C16orf89: variants seen among roughly 807,000 people sequenced by gnomAD.
C16orf89 encodes UPF0764 protein C16orf89.
In C16orf89, 57 loss-of-function variants were observed where a neutral mutation model predicts 41.5. The observed-to-expected ratio is 1.38, with a 90% CI of 1.11 to 1.71. The LOEUF (loss-of-function observed/expected upper bound fraction) is 1.71, where lower values mean the gene tolerates loss of function less well. Among genes scored for constraint, C16orf89 ranks in the 40% most tolerant of loss-of-function variants. C16orf89 has a pLI of 0.00. For missense variants in C16orf89, 575 were observed against 445.9 expected, an observed-to-expected ratio of 1.29 and a Z score of -2.61; for synonymous variants, 223 against 190.6, an observed-to-expected ratio of 1.17 and a Z score of -1.40.
At chr16:5,065,336 A>G (rs1262239719) in intron 1 of C16orf89, among the ~76,000 whole-genome samples, 1 of 152,070 alleles carries the variant, frequency 6.6e-6, no homozygotes, top group Non-Finnish European at 1.5e-5. Flanking sequence ...GTCCACAGCC[A>G]CCTCATTCAA....
At chr16:5,052,603 GA>G (rs35043310) in intron 6 of C16orf89, among the ~76,000 whole-genome samples, 70,467 of 142,456 alleles carry the variant, frequency 0.49, 17,009 homozygotes, top group African/African-American at 0.62. Flanking sequence ...AAGAAAGAAA[GA>G]AAAAAAAAAA....
chr16:5,063,943 A>G (rs894454112), intron 1 of C16orf89, among the ~76,000 whole-genome samples: 1 of 152,158 alleles, frequency 6.6e-6, no homozygotes, highest in Non-Finnish European at 1.5e-5. Context: ...CATGGCCAAC[A>G]TGGTAAAACC....
intron 6 of C16orf89, among the ~76,000 whole-genome samples, chr16:5,049,778 G>A (rs1322474491): frequency 1.3e-5 from 2 of 151,972 alleles, no homozygotes; most frequent in East Asian, 3.8e-4. Flanking sequence ...ACGAACTAAT[G>A]ATACATCCCA....
chr16:5,057,430 G>A (rs567563592), intron 4 of C16orf89, among the ~76,000 whole-genome samples: 113 of 147,720 alleles, frequency 7.6e-4, no homozygotes, highest in African/African-American at 1.4e-3. Flanking sequence ...TATATAGTGT[G>A]TATGGTAGTA....
intron 2 of C16orf89, among the ~76,000 whole-genome samples, chr16:5,060,681 C>T (rs77485773): frequency 0.011 from 1,685 of 152,240 alleles, 26 homozygotes; most frequent in African/African-American, 0.038. Context: ...AAACCCACTG[C>T]ATCCCATGGA....
chr16:5,055,545 G>C (rs147673703), intron 5 of C16orf89, 195 bp from the exon 6 acceptor site: 1 of 1,019,380 alleles, frequency 9.8e-7, no homozygotes, highest in African/African-American at 1.6e-5. Context: ...CTTGTGTCCC[G>C]CCTCCCACTG....
At chr16:5,056,214 A>C (rs1223823588) in intron 4 of C16orf89, 26 bp from the exon 5 acceptor site, 2 of 1,574,516 alleles carry the variant, frequency 1.3e-6, no homozygotes, top group Admixed American at 3.4e-5. Context: ...CCCAAAGACA[A>C]GGGAGTCAGT....
intron 4 of C16orf89, among the ~76,000 whole-genome samples, chr16:5,058,121 A>G (rs1956546474): frequency 6.6e-6 from 1 of 151,442 alleles, no homozygotes; most frequent in South Asian, 2.1e-4. Context: ...GCCCTTTTTC[A>G]TTTATTTCTT....
chr16:5,060,644 G>C (rs1956598411), intron 2 of C16orf89, among the ~76,000 whole-genome samples: 1 of 152,114 alleles, frequency 6.6e-6, no homozygotes, highest in South Asian at 2.1e-4. Context: ...CTAATCAATA[G>C]GAACAGTGAT....
chr16:5,051,093 A>G lies in C16orf89; in HGVS notation c.869-3129T>C, dbSNP rs985666048. On this transcript the variant is annotated intron_variant, in intron 6 of 7. Transcript: ENST00000472572. The stretch of plus-strand genomic sequence containing the variant: ...CATATATGACAGACCCACAGCCAAC[A>G]TTACACTGAGTGAGGAAAAGTTGAA... 2.0e-5 allele frequency among the ~76,000 whole-genome samples: 3 copies of G among 152,240 alleles called. No individual in the cohort carries two copies. The South Asian group carries it at 6.2e-4, about 32-fold the overall frequency.
chr16:5,053,173 C>T (rs999394559), intron 6 of C16orf89, among the ~76,000 whole-genome samples: 3 of 152,102 alleles, frequency 2.0e-5, no homozygotes, highest in Non-Finnish European at 2.9e-5. Flanking sequence ...AGTTCGTGAC[C>T]AGCATGGCCA....
chr16:5,047,540 T>A (rs1244584169), intron 7 of C16orf89, among the ~76,000 whole-genome samples: 1 of 151,694 alleles, frequency 6.6e-6, no homozygotes, highest in Non-Finnish European at 1.5e-5. Flanking sequence ...CGATCTCAGC[T>A]CACTGAAGCC....
chr16:5,054,694 ATGTGC>A (rs1956457156), intron 6 of C16orf89, among the ~76,000 whole-genome samples: 1 of 152,238 alleles, frequency 6.6e-6, no homozygotes, highest in East Asian at 1.9e-4. Flanking sequence ...CATAATTTCC[ATGTGC>A]TGTGGGAGGG....
chr16:5,052,733 G>C (rs996990048), intron 6 of C16orf89, among the ~76,000 whole-genome samples: 1 of 152,146 alleles, frequency 6.6e-6, no homozygotes, highest in East Asian at 1.9e-4. Flanking sequence ...TTGTCAAAAA[G>C]CTAAAAATAG....
At chr16:5,056,590 C>T (rs1414220848) in intron 4 of C16orf89, among the ~76,000 whole-genome samples, 2 of 152,066 alleles carry the variant, frequency 1.3e-5, no homozygotes, top group Non-Finnish European at 2.9e-5. Context: ...ATGCAATGTA[C>T]AACGAGCCTG....
intron 4 of C16orf89, among the ~76,000 whole-genome samples, chr16:5,057,362 T>C (rs1355375228): frequency 6.9e-6 from 1 of 144,476 alleles, no homozygotes; most frequent in Non-Finnish European, 1.5e-5. Flanking sequence ...AGTGATTATA[T>C]ATATCGTGAT....
intron 6 of C16orf89, 92 bp downstream of exon 6, chr16:5,055,154 C>T: frequency 1.8e-6 from 2 of 1,087,966 alleles, no homozygotes; most frequent in East Asian, 2.6e-5. Context: ...AACCTTAACA[C>T]CAATGCATTG....
At position 5,044,448 on chromosome 16, in the gene C16orf89, G is replaced by A. The variant is rs966283326; in HGVS notation, c.986C>T (p.Ala329Val). The change falls in exon 8 of 8, where the codon GCA becomes GTA. Residue 329 changes from alanine to valine, a missense_variant. Ala to Val is a moderately conservative substitution (Grantham distance 64). Transcript: ENST00000472572. The part of the protein sequence containing the change: ...DGCSSHNTAT[A>V]VAALGGFLYI... ...TAGGAAGCCACCCAGGGCTGCCACT[G>A]CTGTGGCTGTGTTGTGGGAGGAGCA... 3 of 1,612,820 alleles carry A rather than the reference G, an allele frequency of 1.9e-6. No homozygotes were observed. The highest frequency in any genetic ancestry group is 1.7e-5 in the Admixed American group (1 of 59,866).
chr16:5,064,159 AAAAT>A (rs1956688304), intron 1 of C16orf89, among the ~76,000 whole-genome samples: 1 of 151,990 alleles, frequency 6.6e-6, no homozygotes, highest in South Asian at 2.1e-4. Flanking sequence ...TAATAAATAA[AAAAT>A]AAAGTGCACA....
Sources: allele counts gnomAD v4.1 joint callset (sites outside exome capture counted in the v4.1 genomes callset), GRCh38; gene constraint gnomAD v4.1.1; transcripts MANE v1.5; gene names NCBI Gene and HGNC (gene_info 2026-07-23, HGNC 2026-07-21).